Variants in PRKCZ observed in about 807,000 individuals in gnomAD.
PRKCZ encodes protein kinase C zeta type.
PRKCZ carries 33 observed loss-of-function variants against 79.5 expected under a neutral mutation model. That is an observed-to-expected ratio of 0.41 (90% CI 0.31 to 0.55). The LOEUF (loss-of-function observed/expected upper bound fraction) is 0.55. Among genes scored for constraint, PRKCZ ranks in the 20% least tolerant of loss-of-function variants. The probability of loss-of-function intolerance (pLI) is 0.19; values close to 1 mark genes in which losing one functional copy is unlikely to be tolerated. For synonymous variants in PRKCZ, 342 were observed against 320.9 expected, an observed-to-expected ratio of 1.07 and a Z score of -0.70; for missense variants, 578 against 813.5, an observed-to-expected ratio of 0.71 and a Z score of 3.52.
At chr1:2,050,217 G>C (rs113475773), upstream of PRKCZ, 1 of 152,020 alleles carries the variant, frequency 6.6e-6, no homozygotes, top group Non-Finnish European at 1.5e-5. Flanking sequence ...CAGGTGCGCC[G>C]CGCCCCGCCC....
chr1:2,115,952 GTC>G (rs1435035505), intron 4 of PRKCZ, among the ~76,000 whole-genome samples: 1 of 152,220 alleles, frequency 6.6e-6, no homozygotes, highest in East Asian at 1.9e-4. Context: ...GATTACCTCA[GTC>G]TCTCCTGTCT....
intron 10 of PRKCZ, among the ~76,000 whole-genome samples, chr1:2,164,141 T>A (rs935408984): frequency 1.3e-5 from 2 of 152,182 alleles, no homozygotes; most frequent in African/African-American, 4.8e-5. Flanking sequence ...AGGATTTTTT[T>A]TGGTTGATAT....
At position 2,146,010 on chromosome 1, in the gene PRKCZ, CTG is replaced by C; in HGVS notation, c.553-13_553-12del. 2 of 1,601,236 alleles carry C rather than the reference CTG, an allele frequency of 1.2e-6. No homozygotes were observed. Among genetic ancestry groups the C allele is most frequent in the South Asian group, 1.1e-5 (1 of 90,848 alleles). ...CTAGCACTTGGTCATGCTGCCATCT[CTG>C]TGTCTCTCCGGCAGGATTCTGTCAT... On this transcript the variant is annotated splice_polypyrimidine_tract_variant and intron_variant, in intron 6 of 17. Transcript: ENST00000378567.
rs905707365 is a variant in PRKCZ at position 2,128,459 on chromosome 1, C to T, written c.335-6803C>T. On this transcript the variant is annotated intron_variant, in intron 4 of 17. Transcript: ENST00000378567. The surrounding 1 kb of genome is among the most constrained non-coding windows in gnomAD (Gnocchi z 6.5). ...TTAGTGTTTTAAAACGTGTTTTCTA[C>T]GTCTTGTCAGAGTGCTCAAGGCGCG... Among the ~76,000 whole-genome samples the T allele has an allele frequency of 5.9e-5, 9 of 152,198 alleles. No homozygotes were observed. In the South Asian group the frequency reaches 6.2e-4, roughly 10 times the overall value.
chr1:2,050,317 G>GC (rs1175696199), upstream of PRKCZ, among the ~76,000 whole-genome samples: 2 of 151,560 alleles, frequency 1.3e-5, no homozygotes, highest in African/African-American at 2.4e-5. Context: ...CCAGGTGGCG[G>GC]CCCCGCCTCG....
intron 4 of PRKCZ, among the ~76,000 whole-genome samples, chr1:2,085,600 C>G (rs1664357565): frequency 6.6e-6 from 1 of 152,140 alleles, no homozygotes; most frequent in Non-Finnish European, 1.5e-5. Flanking sequence ...ATGGGGGGCC[C>G]TGTTCTCAGA....
intron 4 of PRKCZ, among the ~76,000 whole-genome samples, chr1:2,102,833 C>CT (rs1667729725): frequency 1.3e-5 from 2 of 152,068 alleles, no homozygotes; most frequent in Non-Finnish European, 2.9e-5. Flanking sequence ...CTGGAGGGGC[C>CT]TTACCCTTTG....
At chr1:2,098,911 G>C (rs1666991558) in intron 4 of PRKCZ, among the ~76,000 whole-genome samples, 1 of 152,152 alleles carries the variant, frequency 6.6e-6, no homozygotes, top group African/African-American at 2.4e-5. Context: ...TTGATTTCCT[G>C]ACCTCGTGAT....
At chr1:2,106,354 C>T (rs1321826363) in intron 4 of PRKCZ, among the ~76,000 whole-genome samples, 1 of 152,264 alleles carries the variant, frequency 6.6e-6, no homozygotes, top group East Asian at 1.9e-4. Context: ...CACACCCTGC[C>T]TGGCTCCTGG....
chr1:2,114,555 C>T (rs1670363367), intron 4 of PRKCZ, among the ~76,000 whole-genome samples: 1 of 152,148 alleles, frequency 6.6e-6, no homozygotes, highest in Non-Finnish European at 1.5e-5. Context: ...GCGGGTAGAT[C>T]ACGAGGTCAG....
intron 16 of PRKCZ, among the ~76,000 whole-genome samples, chr1:2,179,951 A>C (rs1686227881): frequency 1.3e-5 from 2 of 151,924 alleles, no homozygotes; most frequent in South Asian, 4.2e-4. Flanking sequence ...GCCCACAGAG[A>C]GATGGCTGGG....
At chr1:2,054,906 G>A (rs747236629) in intron 1 of PRKCZ, among the ~76,000 whole-genome samples, 4 of 150,188 alleles carry the variant, frequency 2.7e-5, no homozygotes, top group African/African-American at 9.8e-5. Context: ...GGTAGGTCGC[G>A]CTTTTTTCTC....
intron 10 of PRKCZ, among the ~76,000 whole-genome samples, chr1:2,160,536 C>T (rs1682036713): frequency 6.6e-6 from 1 of 152,184 alleles, no homozygotes; most frequent in African/African-American, 2.4e-5. Flanking sequence ...CTGAAGGTGC[C>T]AGGGGCTTTC....
chr1:2,107,302 G>C (rs919060066), intron 4 of PRKCZ, among the ~76,000 whole-genome samples: 2 of 152,188 alleles, frequency 1.3e-5, no homozygotes, highest in Middle Eastern at 3.2e-3. Flanking sequence ...GCGGGATTGC[G>C]TCCTCCCTCT....
chr1:2,103,666 C>T (rs1316686727), intron 4 of PRKCZ, among the ~76,000 whole-genome samples: 2 of 152,156 alleles, frequency 1.3e-5, no homozygotes, highest in South Asian at 2.1e-4. Flanking sequence ...CCCAGGAGGT[C>T]GAGGCTGCAG....
intron 4 of PRKCZ, among the ~76,000 whole-genome samples, chr1:2,121,521 G>C (rs1360864226): frequency 7.5e-6 from 1 of 133,932 alleles, no homozygotes; most frequent in South Asian, 2.5e-4. Context: ...GGTACTTAAG[G>C]TCATGGCAGT....
Position 2,081,981 on chromosome 1 carries a change from TC to T in PRKCZ, c.334+22391del, listed in dbSNP as rs145101064. Among the ~76,000 whole-genome samples, 514 of 152,374 alleles carry T rather than the reference TC, an allele frequency of 3.4e-3. 1 individual carries two copies. The highest frequency in any genetic ancestry group is 0.012 in the African/African-American group (496 of 41,584). On this transcript the variant is annotated intron_variant, in intron 4 of 17. Transcript: ENST00000378567. ...CTGCTGGGTGGGCAGTCCTCTTTTT[TC>T]GGAAATGTGTTCAGTTCTCTTGCAT...
chr1:2,061,979 G>A (rs1377236023), intron 4 of PRKCZ, among the ~76,000 whole-genome samples: 1 of 152,112 alleles, frequency 6.6e-6, no homozygotes, highest in African/African-American at 2.4e-5. Context: ...GGGTCAGTGA[G>A]AAGGGTCGGA....
At chr1:2,105,185 C>T (rs1190532887) in intron 4 of PRKCZ, among the ~76,000 whole-genome samples, 8 of 152,206 alleles carry the variant, frequency 5.3e-5, no homozygotes, top group Admixed American at 5.2e-4. Flanking sequence ...CAAACCTGCT[C>T]GTCAGGAGAC....
Sources: allele counts gnomAD v4.1 joint callset (sites outside exome capture counted in the v4.1 genomes callset), GRCh38; gene constraint gnomAD v4.1.1; non-coding constraint Gnocchi (gnomAD v3.1); transcripts MANE v1.5; gene names NCBI Gene and HGNC (gene_info 2026-07-23, HGNC 2026-07-21).